The following TRAP1 variants were observed in gnomAD, a reference collection of about 807,000 sequenced individuals.
TRAP1 encodes heat shock protein 75 kDa, mitochondrial.
In TRAP1, 102 loss-of-function variants were observed where a neutral mutation model predicts 89.1. The ratio of observed to expected loss-of-function variants is 1.15; its 90% CI spans 0.98 to 1.35. TRAP1 has a LOEUF of 1.35. Ranked by LOEUF, TRAP1 falls within the 40% of genes most tolerant of loss-of-function variation. The pLI is 0.00. For synonymous variants in TRAP1, 508 were observed against 388.0 expected, an observed-to-expected ratio of 1.31 and a Z score of -3.64; for missense variants, 1,256 against 945.3, an observed-to-expected ratio of 1.33 and a Z score of -4.31.
chr16:3,690,764 G>A, intron 2 of TRAP1, 63 bp downstream of exon 2: 1 of 1,325,246 alleles, frequency 7.5e-7, no homozygotes, highest in Non-Finnish European at 9.8e-7. Flanking sequence ...CCCTGAAAAT[G>A]CCCCTTTACG....
intron 16 of TRAP1, chr16:3,661,704 T>G: frequency 2.7e-6 from 1 of 364,616 alleles, no homozygotes; most frequent in Non-Finnish European, 4.9e-6. Context: ...AAACTGAGCA[T>G]GTCCAGGACA....
intron 1 of TRAP1, among the ~76,000 whole-genome samples, chr16:3,697,985 CTTTTTT>C (rs2051312968): frequency 6.6e-6 from 1 of 150,946 alleles, no homozygotes; most frequent in African/African-American, 2.4e-5. Flanking sequence ...TTTTGTTTTT[CTTTTTT>C]AAGTAGAGAC....
chr16:3,692,903 C>CCACTGGT (rs2051235578), intron 1 of TRAP1, among the ~76,000 whole-genome samples: 1 of 151,742 alleles, frequency 6.6e-6, no homozygotes, highest in Non-Finnish European at 1.5e-5. Context: ...CCAGCCAAAA[C>CCACTGGT]TTGCCTATTC....
At position 3,672,816 on chromosome 16, in the gene TRAP1, G is replaced by A. The variant is rs111548439; in HGVS notation, c.1049C>T (p.Pro350Leu). Residue 350 changes from proline (P) to leucine (L), a missense_variant, in exon 10 of 18, where the codon CCG becomes CTG. Physicochemically the swap from Pro to Leu is moderately conservative, Grantham distance 98. Coordinates refer to ENST00000246957, the MANE Select transcript of TRAP1 (RefSeq NM_016292.3). ...RSIFYVPDMK[P>L]SMFDVSRELG... ...CTCCCGGCTCACATCAAACATGGAC[G>A]GTTTCTGGGGGTGAGGAGAACACGC... is the stretch of plus-strand genomic sequence containing the variant. 8.1e-6 allele frequency: 13 copies of A among 1,612,154 alleles called. No individual in the cohort carries two copies. Among genetic ancestry groups the A allele is most frequent in the African/African-American group, 2.7e-5 (2 of 75,018 alleles).
rs372386909 is a variant in TRAP1, at chr16:3,689,078, G to A, written c.307C>T (p.Arg103Trp). The change falls in exon 3 of 18, where the codon CGG becomes TGG. Residue 103 changes from arginine to tryptophan, a missense_variant. Arg to Trp is a moderately radical substitution (Grantham distance 101). Coordinates refer to ENST00000246957, the MANE Select transcript of TRAP1 (RefSeq NM_016292.3). ...ETKKLLDIVA[R>W]SLYSEKEVFI... ...ACCTCTTTTTCTGAGTACAGGGACC[G>A]GGCAACAATGTCCAAAAGCTTCTTT... The A allele has an allele frequency of 5.3e-5, 85 of 1,613,654 alleles. No homozygotes were observed. The highest frequency in any genetic ancestry group is 2.9e-4 in the African/African-American group (22 of 74,862).
At chr16:3,699,629 C>CA (rs35602361) in intron 1 of TRAP1, among the ~76,000 whole-genome samples, 2,287 of 71,628 alleles carry the variant, frequency 0.032, 64 homozygotes, top group African/African-American at 0.064. Context: ...AACTCCGTCT[C>CA]AAAAAAAAAA....
chr16:3,662,772 C>T (rs1323370768), intron 15 of TRAP1, 110 bp downstream of exon 15: 2 of 1,013,912 alleles, frequency 2.0e-6, no homozygotes, highest in Non-Finnish European at 3.1e-6. Flanking sequence ...CCAAGGGCTT[C>T]TGCTGCTGCT....
At chr16:3,668,296 G>C (rs534474353) in intron 11 of TRAP1, among the ~76,000 whole-genome samples, 3 of 152,036 alleles carry the variant, frequency 2.0e-5, no homozygotes, top group Admixed American at 2.0e-4. Context: ...CTGACCTCAG[G>C]TGATCTGCCT....
chr16:3,674,896 G>A, intron 8 of TRAP1: 1 of 326,738 alleles, frequency 3.1e-6, no homozygotes, highest in Non-Finnish European at 5.8e-6. Flanking sequence ...ACTCCATCCA[G>A]GAGAAACGTC....
At chr16:3,689,523 C>G (rs1288392081) in intron 2 of TRAP1, among the ~76,000 whole-genome samples, 4 of 152,046 alleles carry the variant, frequency 2.6e-5, no homozygotes, top group African/African-American at 9.7e-5. Context: ...AGATCATGAA[C>G]AAAAAGAAAG....
chr16:3,664,241 C>A, intron 13 of TRAP1, 33 bp downstream of exon 13: 4 of 1,517,792 alleles, frequency 2.6e-6, no homozygotes, highest in South Asian at 1.3e-5. Flanking sequence ...AGGTTGCAGC[C>A]CCCGGAGCCC....
chr16:3,691,111 A>C (rs925124140), intron 1 of TRAP1, 126 bp from the exon 2 acceptor site: 1 of 924,242 alleles, frequency 1.1e-6, no homozygotes, highest in Non-Finnish European at 1.5e-6. Flanking sequence ...CTGTTGCTGA[A>C]AGAGAAATCC....
chr16:3,675,465 C>G lies in TRAP1; in HGVS notation c.815-68G>C, dbSNP rs538589466. The G allele has an allele frequency of 7.3e-6, 11 of 1,510,088 alleles. No homozygotes were observed. In the Admixed American group the frequency reaches 1.7e-4, roughly 23 times the overall value. The allele number at this position is 1,510,088 out of a possible 1,614,324, so 93.5% of individuals were successfully genotyped here. A position where few individuals can be genotyped will look rare whatever the true frequency, so the allele number is the denominator to read the frequency against. On this transcript the variant is annotated intron_variant, in intron 7 of 17. Transcript: ENST00000246957. ...TGTGGAAACGCAAGCTTTGCAGCAG[C>G]TCCAGGATGAGCGCCAGCCTGCTGG...
rs566283419 is a variant in TRAP1, at chr16:3,713,273, G to T, written c.88+4148C>A. On this transcript the variant is annotated intron_variant, in intron 1 of 17. Transcript: ENST00000246957. The stretch of plus-strand genomic sequence containing the variant: ...GCTCCAAACAAAGGGAGAGCAGAGG[G>T]AGGAGGCAAAACCCGTCAACAAAAC... Among the ~76,000 whole-genome samples the T allele has an allele frequency of 9.8e-5, 15 of 152,296 alleles. No homozygotes were observed. In the East Asian group the frequency reaches 2.9e-3, roughly 29 times the overall value.
At chr16:3,705,364 C>A (rs577435806) in intron 1 of TRAP1, among the ~76,000 whole-genome samples, 1 of 152,014 alleles carries the variant, frequency 6.6e-6, no homozygotes, top group African/African-American at 2.4e-5. Context: ...CCACCATGCC[C>A]GGACAACTAC....
chr16:3,686,204 C>A (rs1596727709), intron 3 of TRAP1, 68 bp from the exon 4 acceptor site: 1 of 1,545,668 alleles, frequency 6.5e-7, no homozygotes, highest in Non-Finnish European at 8.9e-7. Flanking sequence ...ATCTGGTCAG[C>A]TGCACTTCCA....
intron 1 of TRAP1, among the ~76,000 whole-genome samples, chr16:3,707,283 T>A (rs2051461239): frequency 6.6e-6 from 1 of 150,604 alleles, no homozygotes; most frequent in South Asian, 2.1e-4. Context: ...CCTCCCGGGT[T>A]CACACCATTC....
At chr16:3,680,517 G>A (rs1173009871) in intron 4 of TRAP1, among the ~76,000 whole-genome samples, 2 of 152,230 alleles carry the variant, frequency 1.3e-5, no homozygotes, top group African/African-American at 4.8e-5. Flanking sequence ...GCAGGTGTTG[G>A]GAACGCAGCT....
At chr16:3,686,259 A>G (rs1048019328) in intron 3 of TRAP1, 123 bp from the exon 4 acceptor site, 52 of 1,200,118 alleles carry the variant, frequency 4.3e-5, no homozygotes, top group Admixed American at 1.6e-4. Flanking sequence ...CTCAAAGCAT[A>G]AAGAGTTTCT....
Sources: allele counts gnomAD v4.1 joint callset (sites outside exome capture counted in the v4.1 genomes callset), GRCh38; gene constraint gnomAD v4.1.1; transcripts MANE v1.5; gene names NCBI Gene and HGNC (gene_info 2026-07-23, HGNC 2026-07-21).